The following EFR3B variants were observed in gnomAD, a reference collection of about 807,000 sequenced individuals.
The protein encoded by EFR3B is EFR3 homolog B.
A neutral mutation model predicts 104.7 loss-of-function variants in EFR3B; 64 were observed. The ratio of observed to expected loss-of-function variants is 0.61; its 90% CI spans 0.50 to 0.75. The LOEUF is 0.75. Among genes scored for constraint, EFR3B ranks in the 30% least tolerant of loss-of-function variants. The pLI, the probability that EFR3B is intolerant of heterozygous loss-of-function variation, is 0.00. For synonymous variants in EFR3B, 385 were observed against 417.9 expected (o/e 0.92, Z 0.96); for missense variants, 750 against 1,078.5 (o/e 0.70, Z 4.27).
chr2:25,122,850 C>T (rs530236543), intron 5 of EFR3B, among the ~76,000 whole-genome samples: 3 of 152,156 alleles, frequency 2.0e-5, no homozygotes, highest in South Asian at 2.1e-4. Context: ...GGGCAGGGTC[C>T]GTCGTTTTAC....
intron 19 of EFR3B, chr2:25,145,685 C>T (rs1239249511): frequency 6.6e-6 from 1 of 152,386 alleles, no homozygotes; most frequent in Non-Finnish European, 1.5e-5. Context: ...GTGAGAACAG[C>T]TTTCATAGTG....
At chr2:25,107,917 C>T (rs770870328) in intron 4 of EFR3B, among the ~76,000 whole-genome samples, 1 of 151,580 alleles carries the variant, frequency 6.6e-6, no homozygotes, top group African/African-American at 2.4e-5. Context: ...CATCTTGGCT[C>T]GCTGCAACCT....
At chr2:25,074,700 C>G (rs1488535697) in intron 1 of EFR3B, among the ~76,000 whole-genome samples, 1 of 151,064 alleles carries the variant, frequency 6.6e-6, no homozygotes, top group African/African-American at 2.4e-5. Context: ...TCACTGCAAC[C>G]TCCGTCTCCC....
At chr2:25,080,694 A>T in intron 1 of EFR3B, 1 of 800,042 alleles carries the variant, frequency 1.2e-6, no homozygotes, top group Non-Finnish European at 2.1e-6. Context: ...GATCTGCCTT[A>T]GCAGCGTCTT....
intron 4 of EFR3B, among the ~76,000 whole-genome samples, chr2:25,108,720 T>C (rs1669634068): frequency 6.6e-6 from 1 of 152,212 alleles, no homozygotes. Context: ...AAACTTTGTC[T>C]GGGCACAGTG....
At chr2:25,047,332 C>T (rs957992625) in intron 1 of EFR3B, among the ~76,000 whole-genome samples, 3 of 151,978 alleles carry the variant, frequency 2.0e-5, no homozygotes, top group Non-Finnish European at 4.4e-5. Flanking sequence ...TAGCTCCGAC[C>T]CTCGGGTAAT....
intron 3 of EFR3B, among the ~76,000 whole-genome samples, chr2:25,099,050 C>G (rs1323776465): frequency 6.6e-6 from 1 of 152,046 alleles, no homozygotes; most frequent in Admixed American, 6.6e-5. Flanking sequence ...CAGAAGGACG[C>G]TGGGATGATT....
chr2:25,130,598 C>T lies in EFR3B; in HGVS notation c.817C>T (p.Arg273Cys), dbSNP rs373201046. 11 of 1,551,728 alleles carry T rather than the reference C, an allele frequency of 7.1e-6. No individual in the cohort carries two copies. Among genetic ancestry groups the T allele is most frequent in the African/African-American group, 1.4e-5 (1 of 73,164 alleles). ...SLWEPKVFAI[R>C]CFKIIMYSIQ... ...TTGGGAACCCAAGGTGTTTGCCATC[C>T]GTTGCTTTAAAATCATCATGTACTC... Residue 273 changes from arginine to cysteine, a missense_variant, in exon 8 of 23, where the codon CGT becomes TGT. By Grantham distance (180) the Arg-to-Cys change is radical. Coordinates refer to ENST00000403714, the MANE Select transcript of EFR3B (RefSeq NM_014971.2). The surrounding 1 kb of genome is among the most constrained non-coding windows in gnomAD (Gnocchi z 4.6).
chr2:25,097,826 G>A (rs1186924500), intron 3 of EFR3B, among the ~76,000 whole-genome samples: 3 of 152,168 alleles, frequency 2.0e-5, no homozygotes. Flanking sequence ...CAGCAGTGCT[G>A]GGTAAGACTC....
At chr2:25,054,412 C>T (rs1185621348) in intron 1 of EFR3B, among the ~76,000 whole-genome samples, 1 of 151,962 alleles carries the variant, frequency 6.6e-6, no homozygotes, top group Non-Finnish European at 1.5e-5. Flanking sequence ...ACTTCTGCCT[C>T]CCAGGTTCAA....
Position 25,130,768 on chromosome 2 carries a change from C to G in EFR3B, c.849+138C>G. On this transcript the variant is annotated intron_variant, in intron 8 of 22. Transcript: ENST00000403714. The surrounding 1 kb of genome is among the most constrained non-coding windows in gnomAD (Gnocchi z 4.6). Reference sequence around the variant, plus strand: ...GTTGCCGAAACCAGTGCTGCTTAAGCTAGCTGTGGAGAAGGGCCGGCTGAT... The same window carrying G: ...GTTGCCGAAACCAGTGCTGCTTAAGGTAGCTGTGGAGAAGGGCCGGCTGAT... 1 of 725,954 alleles carries G rather than the reference C, an allele frequency of 1.4e-6. No individual in the cohort carries two copies. Among genetic ancestry groups the G allele is most frequent in the East Asian group, 2.7e-5 (1 of 36,994 alleles). The allele number at this position is 725,954 out of a possible 1,614,324, so 45.0% of individuals were successfully genotyped here. A position where few individuals can be genotyped will look rare whatever the true frequency, so the allele number is the denominator to read the frequency against.
chr2:25,099,120 C>T (rs1669363746), intron 3 of EFR3B, among the ~76,000 whole-genome samples: 1 of 152,148 alleles, frequency 6.6e-6, no homozygotes, highest in South Asian at 2.1e-4. Context: ...TGCTTGGCTG[C>T]CTGAAGGTGT....
intron 4 of EFR3B, among the ~76,000 whole-genome samples, chr2:25,107,936 C>T (rs113289243): frequency 9.8e-4 from 149 of 152,110 alleles, no homozygotes; most frequent in African/African-American, 3.4e-3. Flanking sequence ...CTCCGCCTCC[C>T]AGGTTCAAGG....
chr2:25,157,920 C>A lies in EFR3B; in HGVS notation c.*3580C>A, dbSNP rs1671218673. The A allele has an allele frequency of 6.6e-6, 1 of 152,582 alleles. No individual in the cohort carries two copies. The highest frequency in any genetic ancestry group is 1.5e-5 in the Non-Finnish European group (1 of 68,382). The allele number at this position is 152,582 out of a possible 1,614,324, so 9.5% of individuals were successfully genotyped here. On this transcript the variant is annotated 3_prime_UTR_variant, in exon 23 of 23. Coordinates refer to ENST00000403714, the MANE Select transcript of EFR3B (RefSeq NM_014971.2). ...CTCAGATACCCCCCTCTGTCCAGCC[C>A]CCTTTCCCATACACAGATATCAATG...
chr2:25,091,493 G>A (rs1669120248), intron 2 of EFR3B, 92 bp downstream of exon 2: 2 of 1,153,738 alleles, frequency 1.7e-6, no homozygotes. Flanking sequence ...CCTGCCGGGT[G>A]GGGAAGGCAG....
Position 25,130,789 on chromosome 2 carries a change from C to G in EFR3B, c.849+159C>G, listed in dbSNP as rs1481126396. Among the ~76,000 whole-genome samples, 1 of 152,196 alleles carries G rather than the reference C, an allele frequency of 6.6e-6. No homozygotes were observed. The highest frequency in any genetic ancestry group is 2.4e-5 in the African/African-American group (1 of 41,448). On this transcript the variant is annotated intron_variant, in intron 8 of 22. Coordinates refer to ENST00000403714, the MANE Select transcript of EFR3B (RefSeq NM_014971.2). This position sits in a 1 kb window ranked among gnomAD's most constrained non-coding sequence, Gnocchi z 4.6. Reference sequence around the variant, plus strand: ...TAAGCTAGCTGTGGAGAAGGGCCGGCTGATTTTATTTCCAGTACATCACAG... The same window carrying G: ...TAAGCTAGCTGTGGAGAAGGGCCGGGTGATTTTATTTCCAGTACATCACAG...
intron 20 of EFR3B, among the ~76,000 whole-genome samples, chr2:25,150,816 G>T (rs902253803): frequency 6.6e-6 from 1 of 152,008 alleles, no homozygotes; most frequent in Non-Finnish European, 1.5e-5. Context: ...TCACCATGTT[G>T]GCCAGGCTGG....
intron 15 of EFR3B, among the ~76,000 whole-genome samples, chr2:25,138,569 T>C (rs185785914): frequency 6.6e-5 from 10 of 152,332 alleles, no homozygotes; most frequent in African/African-American, 2.4e-4. Flanking sequence ...CCAGCCTAGA[T>C]GCTATAATTT....
intron 1 of EFR3B, among the ~76,000 whole-genome samples, chr2:25,045,959 C>T (rs564221961): frequency 2.0e-5 from 3 of 152,300 alleles, no homozygotes; most frequent in East Asian, 1.9e-4. Flanking sequence ...CTGTGCACCC[C>T]GATCCCACTA....
Sources: gnomAD v4.1 joint callset for allele counts (sites outside exome capture counted in the v4.1 genomes callset) on GRCh38, gnomAD v4.1.1 for gene constraint, Gnocchi (gnomAD v3.1) non-coding constraint, MANE v1.5 for transcripts, NCBI Gene and HGNC (gene_info 2026-07-23, HGNC 2026-07-21) for gene names.